Variants in ANK3 observed in about 807,000 individuals in gnomAD.
ANK3 encodes ankyrin-3.
ANK3 carries 57 observed loss-of-function variants against 370.9 expected under a neutral mutation model. The ratio of observed to expected loss-of-function variants is 0.15; its 90% confidence interval spans 0.12 to 0.19. The LOEUF is 0.19. Ranked by LOEUF, ANK3 falls within the 10% of genes least tolerant of loss-of-function variation. The pLI, the probability that ANK3 is intolerant of heterozygous loss-of-function variation, is 1.00. For missense variants in ANK3, 4,439 were observed against 5,302.1 expected (o/e 0.84, Z 5.06); for synonymous variants, 1,929 against 1,946.3 (o/e 0.99, Z 0.23).
intron 2 of ANK3, among the ~76,000 whole-genome samples, chr10:60,570,709 G>C (rs1469572647): frequency 1.3e-5 from 2 of 152,114 alleles, no homozygotes; most frequent in African/African-American, 4.8e-5. Flanking sequence ...CTTTCATTAA[G>C]AGTGCCCTAG....
At chr10:60,416,101 A>G (rs1311478205) in intron 2 of ANK3, among the ~76,000 whole-genome samples, 1 of 152,048 alleles carries the variant, frequency 6.6e-6, no homozygotes, top group Non-Finnish European at 1.5e-5. Context: ...CCATGTAAGG[A>G]CACAATGAGA....
chr10:60,464,348 CAT>C (rs1326496959), intron 2 of ANK3, among the ~76,000 whole-genome samples: 2 of 152,146 alleles, frequency 1.3e-5, no homozygotes, highest in African/African-American at 4.8e-5. Flanking sequence ...CAAATTAACA[CAT>C]ATCTTTTTCC....
rs192402869 is a variant in ANK3 at position 60,319,964 on chromosome 10, G to C, written c.115-40325C>G. Among the ~76,000 whole-genome samples the C allele has an allele frequency of 3.1e-3, 469 of 152,278 alleles. 3 individuals carry two copies. Among genetic ancestry groups the C allele is most frequent in the African/African-American group, 0.011 (442 of 41,546 alleles). On this transcript the variant is annotated intron_variant, in intron 1 of 43. Transcript: ENST00000280772. ...TCCAGAGGAATTCCTGGAGAAAAGG[G>C]ACCCCAGTTTCCCTCAGCCTTCTGT...
At chr10:60,708,042 A>C (rs973271852) in intron 1 of ANK3, among the ~76,000 whole-genome samples, 4 of 152,166 alleles carry the variant, frequency 2.6e-5, no homozygotes, top group African/African-American at 9.7e-5. Context: ...AAAGGACATG[A>C]ACTTCCCATG....
At chr10:60,307,497 T>A (rs1566451711) in intron 1 of ANK3, among the ~76,000 whole-genome samples, 1 of 150,904 alleles carries the variant, frequency 6.6e-6, no homozygotes, top group Non-Finnish European at 1.5e-5. Context: ...TATGCCTGGC[T>A]ATTTTTTTTT....
intron 1 of ANK3, among the ~76,000 whole-genome samples, chr10:60,706,673 G>A (rs2133424312): frequency 1.3e-5 from 2 of 152,082 alleles, no homozygotes; most frequent in Middle Eastern, 6.8e-3. Flanking sequence ...GAGTATAGTA[G>A]GGATAATGTT....
chr10:60,181,416 G>C lies in ANK3; in HGVS notation c.2097C>G (p.Thr699=). ...CTTCTTGAGCAGCCAAATGGAGTGG[G>C]GTCAGGCCGCTCTGCAAAAGATTCA... ...NVNLSNKSGL[T]PLHLAAQEDR... The change falls in exon 18 of 44, where the codon ACC becomes ACG. Residue 699 remains threonine, a synonymous_variant. Transcript: ENST00000280772. 1 of 1,614,056 alleles carries C rather than the reference G, an allele frequency of 6.2e-7. No homozygotes were observed. The highest frequency in any genetic ancestry group is 1.3e-5 in the African/African-American group (1 of 75,016).
chr10:60,561,937 T>C (rs1285806879), intron 2 of ANK3, among the ~76,000 whole-genome samples: 1 of 152,246 alleles, frequency 6.6e-6, no homozygotes, highest in East Asian at 1.9e-4. Flanking sequence ...TAGTGATAAC[T>C]AGTGATAGTT....
chr10:60,084,512 T>C (rs1342223736), intron 32 of ANK3, 90 bp downstream of exon 32: 1 of 912,456 alleles, frequency 1.1e-6, no homozygotes. Context: ...ATGCACTTGG[T>C]ATTTTATAGT....
chr10:60,540,372 C>G (rs1051307985), intron 2 of ANK3, among the ~76,000 whole-genome samples: 2 of 151,886 alleles, frequency 1.3e-5, no homozygotes, highest in Non-Finnish European at 2.9e-5. Flanking sequence ...TTCTGAGGGA[C>G]GACTGTGTTT....
intron 7 of ANK3, among the ~76,000 whole-genome samples, chr10:60,245,566 T>C (rs2132580672): frequency 6.6e-6 from 1 of 152,352 alleles, no homozygotes; most frequent in East Asian, 1.9e-4. Context: ...GATTTGCCTA[T>C]TCTAGATCTT....
intron 4 of ANK3, among the ~76,000 whole-genome samples, chr10:60,276,608 T>C (rs1256070721): frequency 6.6e-6 from 1 of 152,200 alleles, no homozygotes; most frequent in African/African-American, 2.4e-5. Context: ...TACTGCATCA[T>C]AGGTGTGGAA....
chr10:60,156,114 G>C (rs983283393), intron 23 of ANK3, among the ~76,000 whole-genome samples: 6 of 152,312 alleles, frequency 3.9e-5, no homozygotes, highest in Non-Finnish European at 8.8e-5. Context: ...GTAGACTTCA[G>C]TTGTGACACC....
chr10:60,373,745 C>T (rs1010556), intron 1 of ANK3, among the ~76,000 whole-genome samples: 55,349 of 151,944 alleles, frequency 0.36, 10,949 homozygotes, highest in Middle Eastern at 0.49. Context: ...ATTTGCCCCA[C>T]CACACTCCAT....
At chr10:60,690,030 G>A (rs2079328569) in intron 1 of ANK3, among the ~76,000 whole-genome samples, 1 of 152,172 alleles carries the variant, frequency 6.6e-6, no homozygotes, top group Non-Finnish European at 1.5e-5. Flanking sequence ...GGCATGTAAA[G>A]AGAAAGAAAT....
chr10:60,074,485 T>C lies in ANK3; in HGVS notation c.6396A>G (p.Thr2132=), dbSNP rs150252684. 6.2e-7 allele frequency: 1 copy of C among 1,613,752 alleles called. No individual in the cohort carries two copies. The highest frequency in any genetic ancestry group is 1.3e-5 in the African/African-American group (1 of 74,892). The stretch of plus-strand genomic sequence containing the variant: ...GGGCTGAAGGTGTCTTTTCACTTCT[T>C]GTTTCAAAGCCACTGTCAGACAAGG... The part of the protein sequence containing the change: ...KSPLSDSGFE[T]RSEKTPSAPQ... Residue 2132 remains threonine (T), a synonymous_variant, in exon 37 of 44, where the codon ACA becomes ACG. Transcript: ENST00000280772.
chr10:60,620,878 G>A (rs1402517023), intron 1 of ANK3, among the ~76,000 whole-genome samples: 1 of 152,122 alleles, frequency 6.6e-6, no homozygotes, highest in Non-Finnish European at 1.5e-5. Context: ...TTTAATGTAT[G>A]CACAGCATAA....
chr10:60,665,394 A>G (rs2078983758), intron 1 of ANK3, among the ~76,000 whole-genome samples: 1 of 152,172 alleles, frequency 6.6e-6, no homozygotes. Flanking sequence ...GCACTAAACA[A>G]AATCTAAATG....
rs562855959 is a variant in ANK3 at position 60,596,671 on chromosome 10, G to C, written c.96+18515C>G. On this transcript the variant is annotated intron_variant, in intron 2 of 43. Coordinates refer to the ANK3 transcript ENST00000373827. Reference sequence around the variant, plus strand: ...CTTTAAGCAAATCCAATATACAAAAGTACATTTTTGAAACAAGTAAATTAC... The same window carrying C: ...CTTTAAGCAAATCCAATATACAAAACTACATTTTTGAAACAAGTAAATTAC... Among the ~76,000 whole-genome samples the C allele has an allele frequency of 2.6e-5, 4 of 152,134 alleles. No homozygotes were observed. The South Asian group carries it at 6.2e-4, about 24-fold the overall frequency.
Sources: allele counts gnomAD v4.1 joint callset (sites outside exome capture counted in the v4.1 genomes callset), GRCh38; gene constraint gnomAD v4.1.1; transcripts MANE v1.5; gene names NCBI Gene and HGNC (gene_info 2026-07-23, HGNC 2026-07-21).